The following SSH1 variants were observed in gnomAD, a reference collection of about 807,000 sequenced individuals.
SSH1 encodes slingshot protein phosphatase 1, also known as protein phosphatase Slingshot homolog 1.
In SSH1, 43 loss-of-function variants were observed where a neutral mutation model predicts 79.7. The observed-to-expected ratio is 0.54, with a 90% CI of 0.42 to 0.70. SSH1 has a LOEUF of 0.70. SSH1 is among the 30% of genes least tolerant of loss of function. SSH1 has a pLI of 0.00. For synonymous variants in SSH1, 599 were observed against 538.3 expected (o/e 1.11, Z -1.56); for missense variants, 1,206 against 1,358.8 (o/e 0.89, Z 1.77).
intron 2 of SSH1, 130 bp downstream of exon 2, chr12:108,852,508 G>A (rs2039063136): frequency 1.9e-6 from 2 of 1,065,242 alleles, no homozygotes; most frequent in African/African-American, 1.6e-5. Flanking sequence ...GGAATTACAG[G>A]CGTGACCCAC....
At chr12:108,854,761 A>T (rs962056850) in intron 1 of SSH1, among the ~76,000 whole-genome samples, 1 of 152,218 alleles carries the variant, frequency 6.6e-6, no homozygotes, top group Admixed American at 6.5e-5. Context: ...CAAGGAACAC[A>T]TGAAAGAGGT....
chr12:108,799,220 TG>T lies in SSH1; in HGVS notation c.1149-21del. On this transcript the variant is annotated intron_variant, in intron 12 of 14. Transcript: ENST00000326495. ...TTCCTCCTGCAGGGGTGGGAGCAGTTGGGGAGGAGAGATGGGGGAGAAGCAG... is the reference window on the plus strand; with the variant it reads ...TTCCTCCTGCAGGGGTGGGAGCAGTTGGGAGGAGAGATGGGGGAGAAGCAG... 1 of 1,599,126 alleles carries T rather than the reference TG, an allele frequency of 6.3e-7. No homozygotes were observed. Among genetic ancestry groups the T allele is most frequent in the South Asian group, 1.1e-5 (1 of 89,986 alleles).
Position 108,788,010 on chromosome 12 carries a change from G to A in SSH1, c.3128C>T (p.Pro1043Leu). ...GKPAPENLKS[P>L]SWMSKS The stretch of plus-strand genomic sequence containing the variant: ...GGGTCAGCTTTTGCTCATCCACGAA[G>A]GGCTCTTTAAGTTTTCTGGGGCGGG... Residue 1043 changes from proline (P) to leucine (L), a missense_variant, in exon 15 of 15, where the codon CCT becomes CTT. Around this residue, in one of 5 missense-constraint regions of SSH1, gnomAD observed 709 missense variants for 730.6 expected, o/e 0.97. Transcript: ENST00000326495. 1.2e-6 allele frequency: 2 copies of A among 1,614,138 alleles called. No individual in the cohort carries two copies. The highest frequency in any genetic ancestry group is 1.7e-6 in the Non-Finnish European group (2 of 1,180,030).
chr12:108,797,280 C>T (rs901017016), intron 13 of SSH1, among the ~76,000 whole-genome samples: 5 of 152,008 alleles, frequency 3.3e-5, no homozygotes, highest in African/African-American at 9.7e-5. Context: ...GTGCACGCCA[C>T]CACGCTGGGC....
intron 4 of SSH1, 102 bp downstream of exon 4, chr12:108,818,146 TA>T: frequency 1.0e-6 from 1 of 960,734 alleles, no homozygotes; most frequent in Non-Finnish European, 1.7e-6. Flanking sequence ...TGTAGTGAGC[TA>T]AGATCATGCC....
chr12:108,783,609 C>G lies in SSH1; in HGVS notation c.*4379G>C, dbSNP rs557520719. 1 of 152,346 alleles carries G rather than the reference C, an allele frequency of 6.6e-6. No homozygotes were observed. Among genetic ancestry groups the G allele is most frequent in the African/African-American group, 2.4e-5 (1 of 41,574 alleles). 9.4% of individuals were successfully genotyped at this position (152,346 alleles called of 1,614,324 possible). On this transcript the variant is annotated 3_prime_UTR_variant, in exon 15 of 15. Coordinates refer to ENST00000326495, the MANE Select transcript of SSH1 (RefSeq NM_018984.4). The stretch of plus-strand genomic sequence containing the variant: ...CACCTATGGCCAAACAAGAAGACGG[C>G]AGTCTCTCCAGAACCACCCAGGGCG...
At chr12:108,839,928 C>A (rs1224301096) in intron 2 of SSH1, among the ~76,000 whole-genome samples, 3 of 152,182 alleles carry the variant, frequency 2.0e-5, no homozygotes, top group African/African-American at 7.2e-5. Flanking sequence ...ACAAGACTCT[C>A]TGGAGGCCTC....
intron 2 of SSH1, among the ~76,000 whole-genome samples, chr12:108,828,429 G>C (rs1326740439): frequency 6.6e-6 from 1 of 152,174 alleles, no homozygotes; most frequent in East Asian, 1.9e-4. Flanking sequence ...TACTCATCCA[G>C]AATGAAAATC....
At chr12:108,798,579 A>T (rs1257972845) in intron 13 of SSH1, among the ~76,000 whole-genome samples, 3 of 152,132 alleles carry the variant, frequency 2.0e-5, no homozygotes, top group Non-Finnish European at 4.4e-5. Flanking sequence ...TGCCCTGCTC[A>T]TCAGTGGCGG....
chr12:108,819,636 C>T (rs558035215), intron 3 of SSH1, among the ~76,000 whole-genome samples: 2 of 152,242 alleles, frequency 1.3e-5, no homozygotes, highest in South Asian at 4.1e-4. Context: ...CAAGACCAGT[C>T]TGGGCAACAT....
intron 7 of SSH1, among the ~76,000 whole-genome samples, chr12:108,809,288 CA>C (rs1036489941): frequency 5.8e-4 from 81 of 140,584 alleles, no homozygotes; most frequent in Non-Finnish European, 5.6e-4. Flanking sequence ...CCCATCTCTA[CA>C]AAAAAAAAAA....
chr12:108,825,016 C>T (rs2038260204), intron 2 of SSH1, among the ~76,000 whole-genome samples: 1 of 152,128 alleles, frequency 6.6e-6, no homozygotes, highest in African/African-American at 2.4e-5. Flanking sequence ...ACCTTTAAAA[C>T]ATCTACTTTT....
Position 108,807,576 on chromosome 12 carries a change from G to A in SSH1, c.731+57C>T, listed in dbSNP as rs1031455821. 1 of 1,569,268 alleles carries A rather than the reference G, an allele frequency of 6.4e-7. No homozygotes were observed. The highest frequency in any genetic ancestry group is 8.8e-7 in the Non-Finnish European group (1 of 1,142,234). ...TCAGGGTCGGGCACAGGGCAGGTGGGGGAGAGGCAGGTGCCTGTGGGCTTG... is the reference window on the plus strand; with the variant it reads ...TCAGGGTCGGGCACAGGGCAGGTGGAGGAGAGGCAGGTGCCTGTGGGCTTG... On this transcript the variant is annotated intron_variant, in intron 8 of 14. Transcript: ENST00000326495. The surrounding 1 kb of genome is among the most constrained non-coding windows in gnomAD (Gnocchi z 5.2).
At chr12:108,816,673 G>T (rs565746720) in intron 5 of SSH1, among the ~76,000 whole-genome samples, 54 of 152,318 alleles carry the variant, frequency 3.5e-4, no homozygotes, top group South Asian at 1.2e-3. Flanking sequence ...GGGTCTCCCT[G>T]CTTCCCTTGG....
chr12:108,803,042 C>A (rs1050137331), intron 10 of SSH1, among the ~76,000 whole-genome samples: 3 of 146,538 alleles, frequency 2.0e-5, no homozygotes, highest in Admixed American at 2.0e-4. Flanking sequence ...CAGGCAAATA[C>A]CATGTAAGGA....
intron 5 of SSH1, among the ~76,000 whole-genome samples, chr12:108,812,550 G>A (rs546856361): frequency 5.3e-5 from 8 of 152,376 alleles, no homozygotes; most frequent in African/African-American, 1.9e-4. Context: ...TCCAGGGCAG[G>A]CGGAGGTCAA....
intron 5 of SSH1, among the ~76,000 whole-genome samples, chr12:108,815,245 G>C (rs1250620235): frequency 6.6e-6 from 1 of 152,192 alleles, no homozygotes; most frequent in African/African-American, 2.4e-5. Context: ...AGCCTCGTGA[G>C]CTTCTGACTG....
intron 10 of SSH1, 125 bp downstream of exon 10, chr12:108,804,931 G>T: frequency 8.5e-7 from 1 of 1,182,930 alleles, no homozygotes; most frequent in Non-Finnish European, 1.2e-6. Context: ...TGCCAGCCAG[G>T]ATGGAGGCTC....
rs559136782 is a variant in SSH1, at chr12:108,853,699, G to A, written c.70-1021C>T. ...AGCACTGCAGGAGGCCGAGGTGGGC[G>A]GATCACCTGAGGTCAGGAGTTCGAG... On this transcript the variant is annotated intron_variant, in intron 1 of 14. Transcript: ENST00000326495. 7.2e-5 allele frequency among the ~76,000 whole-genome samples: 11 copies of A among 152,218 alleles called. No homozygotes were observed. The South Asian group carries it at 1.7e-3, about 23-fold the overall frequency.
Sources: gnomAD v4.1 joint callset for allele counts (sites outside exome capture counted in the v4.1 genomes callset) on GRCh38, gnomAD v4.1.1 for gene constraint, gnomAD v4.1.1 regional missense constraint, Gnocchi (gnomAD v3.1) non-coding constraint, MANE v1.5 for transcripts, NCBI Gene and HGNC (gene_info 2026-07-23, HGNC 2026-07-21) for gene names.